TENM1: variants seen among roughly 807,000 people sequenced by gnomAD.
TENM1 encodes teneurin-1.
A neutral mutation model predicts 174.8 loss-of-function variants in TENM1; 35 were observed. That is an observed-to-expected ratio of 0.20 (90% CI 0.15 to 0.27). TENM1 has a LOEUF of 0.27. TENM1 is among the 10% of genes least tolerant of loss of function. TENM1 has a pLI of 1.00. For synonymous variants in TENM1, 781 were observed against 798.7 expected (o/e 0.98, Z 0.37); for missense variants, 1,633 against 2,130.1 (o/e 0.77, Z 4.59).
At chrX:124,582,972 C>A (rs111776009) in intron 11 of TENM1, among the ~76,000 whole-genome samples, 2 of 112,129 alleles carry the variant, frequency 1.8e-5, no homozygotes, top group Admixed American at 9.4e-5. Context: ...ACTGCAGCGA[C>A]GCTGGGGGAG....
At chrX:124,780,807 ATTCAGGGAACACTAGG>A (rs2054890842) in intron 3 of TENM1, among the ~76,000 whole-genome samples, 1 of 111,728 alleles carries the variant, frequency 9.0e-6, no homozygotes, top group Non-Finnish European at 1.9e-5. Flanking sequence ...TGGTCCCTAA[ATTCAGGGAACACTAGG>A]TTCAGGGAAC....
chrX:124,665,194 G>T (rs778193409), intron 6 of TENM1, among the ~76,000 whole-genome samples: 1 of 111,360 alleles, frequency 9.0e-6, no homozygotes, highest in Non-Finnish European at 1.9e-5. Flanking sequence ...TACAAAATTA[G>T]CCTGGCATGG....
chrX:124,447,536 T>C (rs914625426), intron 23 of TENM1, among the ~76,000 whole-genome samples: 3 of 112,006 alleles, frequency 2.7e-5, no homozygotes, highest in African/African-American at 9.7e-5. Flanking sequence ...TATCTGACTC[T>C]CATTAATTAG....
intron 11 of TENM1, among the ~76,000 whole-genome samples, chrX:124,625,921 C>T (rs772401942): frequency 9.0e-6 from 1 of 111,282 alleles, no homozygotes; most frequent in South Asian, 3.9e-4. Context: ...AGATCCAACC[C>T]ATATCAGTGA....
chrX:124,528,448 A>T (rs1432016859), intron 16 of TENM1, among the ~76,000 whole-genome samples: 1 of 111,196 alleles, frequency 9.0e-6, no homozygotes, highest in Non-Finnish European at 1.9e-5. Context: ...GTCAAAGTCA[A>T]ATGTCTCAGA....
chrX:125,030,836 G>C, the TENM1 span, among the ~76,000 whole-genome samples: 5 of 111,893 alleles, frequency 4.5e-5, no homozygotes, highest in Non-Finnish European at 9.4e-5. Context: ...AGAATAATTA[G>C]AATCTAATAT....
chrX:124,601,857 G>A (rs766126945), intron 11 of TENM1, among the ~76,000 whole-genome samples: 2 of 110,992 alleles, frequency 1.8e-5, no homozygotes, highest in African/African-American at 6.5e-5. Context: ...TAGACCATTT[G>A]TATTGGAACT....
intron 28 of TENM1, among the ~76,000 whole-genome samples, chrX:124,388,418 G>T (rs1001072986): frequency 8.0e-5 from 9 of 112,347 alleles, no homozygotes; most frequent in Admixed American, 7.5e-4. Flanking sequence ...GAATGTGGAT[G>T]ATGTGATTAG....
At position 124,811,484 on chromosome X, in the gene TENM1, G is replaced by A. The variant is rs141926667; in HGVS notation, c.536-74287C>T. On this transcript the variant is annotated intron_variant, in intron 3 of 31. Transcript: ENST00000422452. ...TGAGATATCACCTCACTCCTGTTAT[G>A]ATGGCTATTATAAAAAAAGACAAAA... Among the ~76,000 whole-genome samples the A allele has an allele frequency of 7.6e-4, 85 of 111,444 alleles. 1 individual carries two copies. The highest frequency in any genetic ancestry group is 2.7e-3 in the African/African-American group (83 of 30,769).
At chrX:124,672,106 C>G (rs905691392) in intron 5 of TENM1, among the ~76,000 whole-genome samples, 2 of 111,571 alleles carry the variant, frequency 1.8e-5, no homozygotes, top group Admixed American at 1.9e-4. Context: ...AACTATAGTA[C>G]AATTAGACTT....
At chrX:124,776,036 T>C (rs770365552) in intron 3 of TENM1, among the ~76,000 whole-genome samples, 14 of 112,046 alleles carry the variant, frequency 1.2e-4, no homozygotes, top group Non-Finnish European at 2.3e-4. Flanking sequence ...TGTTGGATAG[T>C]ATGTTACTTG....
chrX:125,147,671 A>C, the TENM1 span, among the ~76,000 whole-genome samples: 61 of 110,792 alleles, frequency 5.5e-4, 1 homozygote, highest in African/African-American at 1.8e-3. Context: ...ACTAGTGATC[A>C]CAGGTCCCTA....
the TENM1 span, among the ~76,000 whole-genome samples, chrX:125,116,776 C>T: frequency 1.8e-5 from 2 of 111,804 alleles, no homozygotes; most frequent in Non-Finnish European, 3.8e-5. Flanking sequence ...CTCTGGGAGG[C>T]CAATGCGGGT....
chrX:124,932,129 T>A (rs1446671943), intron 1 of TENM1, among the ~76,000 whole-genome samples: 1 of 111,714 alleles, frequency 9.0e-6, no homozygotes, highest in East Asian at 2.8e-4. Context: ...TGTAGCAGAT[T>A]AGCTATACTA....
rs777068800 is a variant in TENM1 at position 124,651,881 on chromosome X, T to G, written c.1579+33A>C. On this transcript the variant is annotated intron_variant, in intron 8 of 31. Transcript: ENST00000422452. ...TGATTGTGTCTTTCTAGGGTTGAAC[T>G]GTCAATTCAACATATTAGGCAAAGC... 1.1e-5 allele frequency: 13 copies of G among 1,194,066 alleles called. No individual in the cohort carries two copies. The African/African-American group carries it at 1.4e-4, about 13-fold the overall frequency.
At chrX:124,896,179 C>T (rs377038677) in exon 2 of TENM1, 22 of 1,209,433 alleles carry the variant, frequency 1.8e-5, no homozygotes, top group Admixed American at 4.4e-5. Flanking sequence ...TGCCGAGAAA[C>T]GCTGTGCATG....
intron 23 of TENM1, among the ~76,000 whole-genome samples, chrX:124,452,097 G>A (rs1477444132): frequency 1.8e-5 from 2 of 112,231 alleles, no homozygotes; most frequent in East Asian, 5.6e-4. Context: ...CCTACAAAAT[G>A]GGAGAAAATT....
intron 5 of TENM1, 77 bp from the exon 9 acceptor site, chrX:124,671,912 C>G (rs775207448): frequency 4.6e-4 from 492 of 1,077,026 alleles, no homozygotes; most frequent in Non-Finnish European, 5.9e-4. Flanking sequence ...CCCTTTGCAC[C>G]TAAAAATGTT....
At position 124,563,531 on chromosome X, in the gene TENM1, C is replaced by T. The variant is rs2048871290; in HGVS notation, c.2287+218G>A. Among the ~76,000 whole-genome samples the T allele has an allele frequency of 2.7e-5, 3 of 109,599 alleles. No individual in the cohort carries two copies. The Admixed American group carries it at 3.0e-4, about 11-fold the overall frequency. ...CCTTAAAACTGCTTATCAGTCCATTCTATACTACGGGAAAAAGTGACTCTT... is the reference window on the plus strand; with the variant it reads ...CCTTAAAACTGCTTATCAGTCCATTTTATACTACGGGAAAAAGTGACTCTT... On this transcript the variant is annotated intron_variant, in intron 13 of 31. Transcript: ENST00000422452.
Sources: allele counts gnomAD v4.1 joint callset (sites outside exome capture counted in the v4.1 genomes callset), GRCh38; gene constraint gnomAD v4.1.1; transcripts MANE v1.5; gene names NCBI Gene and HGNC (gene_info 2026-07-23, HGNC 2026-07-21).